ARFGEF1: variants seen among roughly 807,000 people sequenced by gnomAD.
The protein encoded by ARFGEF1 is ARF guanine nucleotide exchange factor 1.
ARFGEF1 carries 42 observed loss-of-function variants against 231.0 expected under a neutral mutation model. The ratio of observed to expected loss-of-function variants is 0.18; its 90% CI spans 0.14 to 0.24. The LOEUF (loss-of-function observed/expected upper bound fraction) is 0.24. Ranked by LOEUF, ARFGEF1 falls within the 10% of genes least tolerant of loss-of-function variation. ARFGEF1 has a pLI of 1.00. For missense variants in ARFGEF1, 1,345 were observed against 2,192.0 expected (o/e 0.61, Z 7.72); for synonymous variants, 710 against 732.3 (o/e 0.97, Z 0.49).
At position 67,327,319 on chromosome 8, in the gene ARFGEF1, C is replaced by CTTT. The variant is rs140446436; in HGVS notation, c.124+15842_124+15844dup. Among the ~76,000 whole-genome samples, 25 of 134,048 alleles carry CTTT rather than the reference C, an allele frequency of 1.9e-4. No homozygotes were observed. The East Asian group carries it at 1.9e-3, about 10-fold the overall frequency. The allele number at this position is 134,048 out of a possible 152,430, so 87.9% of individuals were successfully genotyped here. A position where few individuals can be genotyped will look rare whatever the true frequency, so the allele number is the denominator to read the frequency against. ...ATACAGACTCCTCGATGACGTACGT[C>CTTT]TTTTTTTTTTTTTTTTTTGAGACAG... On this transcript the variant is annotated intron_variant, in intron 1 of 38. Coordinates refer to ENST00000262215, the MANE Select transcript of ARFGEF1 (RefSeq NM_006421.5).
chr8:67,193,802 G>A (rs138636569), downstream of ARFGEF1, among the ~76,000 whole-genome samples: 1 of 152,322 alleles, frequency 6.6e-6, no homozygotes, highest in African/African-American at 2.4e-5. Flanking sequence ...TATCAGAGAG[G>A]GTGCCCATTT....
At chr8:67,300,721 G>A (rs1237103947) in intron 3 of ARFGEF1, among the ~76,000 whole-genome samples, 1 of 150,060 alleles carries the variant, frequency 6.7e-6, no homozygotes, top group Non-Finnish European at 1.5e-5. Flanking sequence ...ACACACACCT[G>A]TATTCCCAAC....
downstream of ARFGEF1, chr8:67,195,734 A>G (rs1484206051): frequency 3.2e-6 from 2 of 629,334 alleles, no homozygotes; most frequent in Admixed American, 3.0e-5. Context: ...TTTTATCATG[A>G]TGTATATTAT....
intron 5 of ARFGEF1, among the ~76,000 whole-genome samples, chr8:67,184,735 A>G (rs529323120): frequency 6.8e-6 from 1 of 147,660 alleles, no homozygotes; most frequent in Admixed American, 6.7e-5. Flanking sequence ...AAAAATAATA[A>G]TAAAAAAATA....
At chr8:67,196,377 C>A (rs1837940477), downstream of ARFGEF1, 1 of 152,138 alleles carries the variant, frequency 6.6e-6, no homozygotes, top group African/African-American at 2.4e-5. Flanking sequence ...CACCATGGAA[C>A]CTTGGATAAG....
intron 29 of ARFGEF1, 83 bp downstream of exon 29, chr8:67,224,818 CTG>C: frequency 1.1e-6 from 1 of 935,898 alleles, no homozygotes; most frequent in Non-Finnish European, 1.5e-6. Context: ...TGGTCTTTAA[CTG>C]TGAGATTGTG....
intron 5 of ARFGEF1, among the ~76,000 whole-genome samples, chr8:67,186,560 T>C (rs79955209): frequency 0.011 from 1,663 of 152,228 alleles, 29 homozygotes; most frequent in African/African-American, 0.038. Context: ...AAAGAACATC[T>C]ACAAAAGTCC....
intron 18 of ARFGEF1, among the ~76,000 whole-genome samples, chr8:67,251,884 A>G (rs1247494990): frequency 1.3e-5 from 2 of 152,216 alleles, no homozygotes; most frequent in Non-Finnish European, 2.9e-5. Context: ...AAACCTATGA[A>G]AAGGGAAACG....
chr8:67,282,267 C>T (rs2128903726), intron 7 of ARFGEF1, among the ~76,000 whole-genome samples: 1 of 152,006 alleles, frequency 6.6e-6, no homozygotes. Flanking sequence ...ACAGAAAACT[C>T]AAAAAACAGA....
intron 29 of ARFGEF1, among the ~76,000 whole-genome samples, chr8:67,221,537 T>TTA (rs557073070): frequency 1.3e-5 from 2 of 152,130 alleles, no homozygotes; most frequent in Admixed American, 6.5e-5. Context: ...GAAAATACTT[T>TTA]TATATAGCTG....
chr8:67,179,783 T>C (rs1832578681), intron 5 of ARFGEF1: 1 of 913,816 alleles, frequency 1.1e-6, no homozygotes, highest in Non-Finnish European at 1.8e-6. Context: ...GTGTGGAAAC[T>C]TGTGCCTCTT....
At chr8:67,334,587 A>C (rs186258042) in intron 1 of ARFGEF1, among the ~76,000 whole-genome samples, 203 of 152,366 alleles carry the variant, frequency 1.3e-3, no homozygotes, top group African/African-American at 4.1e-3. Context: ...TCTACCTAGG[A>C]CAAATAACAG....
At chr8:67,212,186 G>A (rs543330012) in intron 33 of ARFGEF1, among the ~76,000 whole-genome samples, 45 of 152,222 alleles carry the variant, frequency 3.0e-4, no homozygotes, top group Non-Finnish European at 5.3e-4. Context: ...GGGTTCAAGC[G>A]ATTCTCCTGC....
Position 67,275,854 on chromosome 8 carries a change from A to C in ARFGEF1, c.1337+122T>G, listed in dbSNP as rs1474664655. 4 of 1,252,316 alleles carry C rather than the reference A, an allele frequency of 3.2e-6. No individual in the cohort carries two copies. The South Asian group carries it at 4.3e-5, about 13-fold the overall frequency. 77.6% of individuals were successfully genotyped at this position (1,252,316 alleles called of 1,614,324 possible). A position where few individuals can be genotyped will look rare whatever the true frequency, so the allele number is the denominator to read the frequency against. Reference sequence around the variant, plus strand: ...CTTAAACGTAAAATACCTCCCCTCCACCCAATTTTTTTTTATGGTTCTATA... The same window carrying C: ...CTTAAACGTAAAATACCTCCCCTCCCCCCAATTTTTTTTTATGGTTCTATA... On this transcript the variant is annotated intron_variant, in intron 9 of 38. Coordinates refer to ENST00000262215, the MANE Select transcript of ARFGEF1 (RefSeq NM_006421.5).
At chr8:67,184,735 AT>A (rs1272409840) in intron 5 of ARFGEF1, among the ~76,000 whole-genome samples, 3,063 of 147,644 alleles carry the variant, frequency 0.021, 69 homozygotes, top group South Asian at 0.047. Context: ...AAAAATAATA[AT>A]AAAAAAATAT....
intron 7 of ARFGEF1, among the ~76,000 whole-genome samples, chr8:67,279,546 CTT>C (rs1805451974): frequency 6.6e-6 from 1 of 152,160 alleles, no homozygotes; most frequent in Admixed American, 6.5e-5. Flanking sequence ...TTTCTTCCCT[CTT>C]TTTATTAAAT....
chr8:67,253,700 CATAAGAGA>C, intron 17 of ARFGEF1, 78 bp from the exon 18 acceptor site: 1 of 766,448 alleles, frequency 1.3e-6, no homozygotes, highest in African/African-American at 1.8e-5. Context: ...TGAATATTTA[CATAAGAGA>C]TTTTGTAAAT....
rs113803639 is a variant in ARFGEF1 at position 67,230,218 on chromosome 8, CTG to C, written c.3381-1956_3381-1955del. On this transcript the variant is annotated intron_variant, in intron 23 of 38. Coordinates refer to ENST00000262215, the MANE Select transcript of ARFGEF1 (RefSeq NM_006421.5). ...TTAACATTAAGGCAAGAGAACAGAGCTGTGTTTCATAAAATCAGCCTATGAAA... is the reference window on the plus strand; with the variant it reads ...TTAACATTAAGGCAAGAGAACAGAGCTGTTTCATAAAATCAGCCTATGAAA... 2.0e-3 allele frequency among the ~76,000 whole-genome samples: 302 copies of C among 152,128 alleles called. 4 individuals carry two copies. The highest frequency in any genetic ancestry group is 6.9e-3 in the African/African-American group (287 of 41,516).
At chr8:67,204,959 A>G (rs1289825933) in intron 34 of ARFGEF1, 140 bp from the exon 35 acceptor site, 13 of 969,770 alleles carry the variant, frequency 1.3e-5, no homozygotes, top group Non-Finnish European at 1.5e-5. Context: ...GCTTTTGCAC[A>G]CAGGCACTAC....
Sources: gnomAD v4.1 joint callset for allele counts (sites outside exome capture counted in the v4.1 genomes callset) on GRCh38, gnomAD v4.1.1 for gene constraint, MANE v1.5 for transcripts, NCBI Gene and HGNC (gene_info 2026-07-23, HGNC 2026-07-21) for gene names.